CACNA2D4: variants seen among roughly 807,000 people sequenced by gnomAD.
CACNA2D4 encodes voltage-dependent calcium channel subunit alpha-2/delta-4.
Under a neutral mutation model 163.8 loss-of-function variants are expected in CACNA2D4, and 157 were observed. The observed-to-expected ratio is 0.96, with a 90% CI of 0.84 to 1.09. CACNA2D4 has a LOEUF of 1.09. Among genes scored for constraint, CACNA2D4 ranks in the 50% least tolerant of loss-of-function variants. The probability of loss-of-function intolerance (pLI) is 0.00; values close to 1 mark genes in which losing one functional copy is unlikely to be tolerated. For missense variants in CACNA2D4, 1,410 were observed against 1,479.9 expected, an observed-to-expected ratio of 0.95 and a Z score of 0.78; for synonymous variants, 598 against 586.9, an observed-to-expected ratio of 1.02 and a Z score of -0.27.
rs1555185537 is a variant in CACNA2D4 at position 1,885,055 on chromosome 12, C to A, written c.1090G>T (p.Glu364Ter). The stretch of plus-strand genomic sequence containing the variant: ...ACCCCCACACCTTTGACCATCAACT[C>A]CTCCACCAGCAGTTTGAAATGCTGC... The part of the protein sequence containing the change: ...NREHFKLLVE[E>*]LMVKGVGVVD... The change falls in exon 10 of 38, where the codon GAG becomes TAG. Residue 364 changes from glutamate (E) to a stop codon, truncating the protein, a stop_gained. Coordinates refer to ENST00000382722, the MANE Select transcript of CACNA2D4 (RefSeq NM_172364.5). LOFTEE classifies it high-confidence loss of function. 1.9e-6 allele frequency: 3 copies of A among 1,613,868 alleles called. No homozygotes were observed. The Admixed American group carries it at 5.0e-5, about 27-fold the overall frequency.
chr12:1,850,659 C>A (rs928872805), intron 23 of CACNA2D4, among the ~76,000 whole-genome samples: 4 of 151,990 alleles, frequency 2.6e-5, no homozygotes, highest in African/African-American at 9.7e-5. Flanking sequence ...AATCCCAGCA[C>A]TTTGGGAGGC....
intron 8 of CACNA2D4, 90 bp downstream of exon 8, chr12:1,886,133 C>A (rs1322207090): frequency 6.5e-7 from 1 of 1,542,852 alleles, no homozygotes. Context: ...TGCAGGTCAC[C>A]GGGTGGTCAG....
At chr12:1,913,001 G>A in intron 3 of CACNA2D4, 22 bp downstream of exon 3, 1 of 1,504,830 alleles carries the variant, frequency 6.6e-7, no homozygotes, top group Non-Finnish European at 9.3e-7. Flanking sequence ...GAAACGCCCT[G>A]CAGATCACAG....
At chr12:1,827,908 GC>G in intron 26 of CACNA2D4, 1 of 409,356 alleles carries the variant, frequency 2.4e-6, no homozygotes. Flanking sequence ...CATCCCAGGG[GC>G]TTGAAGGCTT....
chr12:1,871,974 T>C (rs1026665515), intron 18 of CACNA2D4, among the ~76,000 whole-genome samples: 1 of 152,224 alleles, frequency 6.6e-6, no homozygotes, highest in South Asian at 2.1e-4. Context: ...CTTTTAAACT[T>C]GTGTCTGAGG....
Position 1,875,343 on chromosome 12 carries a change from G to C in CACNA2D4, c.1720-6C>G. 6.2e-7 allele frequency: 1 copy of C among 1,600,426 alleles called. No homozygotes were observed. Among genetic ancestry groups the C allele is most frequent in the Non-Finnish European group, 8.6e-7 (1 of 1,167,630 alleles). ...AGTTTCTTCCCCTCTCTGTACTGGA[G>C]TGGGCAGGTCAGGAAGAAAAACATG... On this transcript the variant is annotated splice_polypyrimidine_tract_variant and splice_region_variant and intron_variant, in intron 16 of 37. Transcript: ENST00000382722. This position sits in a 1 kb window ranked among gnomAD's most constrained non-coding sequence, Gnocchi z 4.0.
chr12:1,817,551 C>G (rs1863917692), intron 26 of CACNA2D4, among the ~76,000 whole-genome samples: 1 of 152,204 alleles, frequency 6.6e-6, no homozygotes, highest in Non-Finnish European at 1.5e-5. Context: ...CTGGACTGTA[C>G]TGCTGCCATC....
chr12:1,826,912 C>T (rs970939068), intron 26 of CACNA2D4, among the ~76,000 whole-genome samples: 1 of 152,232 alleles, frequency 6.6e-6, no homozygotes, highest in Non-Finnish European at 1.5e-5. Context: ...CTCCATCCAC[C>T]TCTGGGCCTG....
chr12:1,840,829 C>A lies in CACNA2D4; in HGVS notation c.2471-10G>T. On this transcript the variant is annotated splice_polypyrimidine_tract_variant and intron_variant, in intron 25 of 37. Transcript: ENST00000382722. Reference sequence around the variant, plus strand: ...GGTTCACCCGCACTTTCTGGGGAAACAGAGACAACCCAGTCATGGGGAAGA... The same window carrying A: ...GGTTCACCCGCACTTTCTGGGGAAAAAGAGACAACCCAGTCATGGGGAAGA... 1 of 1,556,912 alleles carries A rather than the reference C, an allele frequency of 6.4e-7. No individual in the cohort carries two copies.
chr12:1,870,995 G>A (rs1279833003), intron 18 of CACNA2D4, among the ~76,000 whole-genome samples: 1 of 152,238 alleles, frequency 6.6e-6, no homozygotes. Flanking sequence ...GGGCACTGGA[G>A]GAACACGAGG....
chr12:1,846,350 G>A (rs1025334502), intron 24 of CACNA2D4, among the ~76,000 whole-genome samples: 2 of 150,928 alleles, frequency 1.3e-5, no homozygotes, highest in Non-Finnish European at 1.5e-5. Flanking sequence ...GTAAGCCTTC[G>A]GGGAAGGGTT....
chr12:1,830,420 G>GA (rs2154447068), intron 26 of CACNA2D4, among the ~76,000 whole-genome samples: 1 of 152,342 alleles, frequency 6.6e-6, no homozygotes, highest in East Asian at 1.9e-4. Flanking sequence ...CAGAGTTGGG[G>GA]TGGGCCACAG....
At chr12:1,902,587 A>C (rs1423602643) in intron 6 of CACNA2D4, among the ~76,000 whole-genome samples, 2 of 152,070 alleles carry the variant, frequency 1.3e-5, no homozygotes, top group Non-Finnish European at 1.5e-5. Context: ...AATCTGAAAA[A>C]GAAATCAAGA....
chr12:1,915,443 C>T (rs905157371), intron 1 of CACNA2D4, among the ~76,000 whole-genome samples: 7 of 152,262 alleles, frequency 4.6e-5, no homozygotes, highest in Admixed American at 2.6e-4. Context: ...AGGCCAGGGC[C>T]GGAGGACCCT....
At chr12:1,825,979 C>T (rs1054967385) in intron 26 of CACNA2D4, among the ~76,000 whole-genome samples, 2 of 152,174 alleles carry the variant, frequency 1.3e-5, no homozygotes, top group East Asian at 1.9e-4. Context: ...GGACAGAGAG[C>T]GTGCACGCTG....
chr12:1,866,491 A>G (rs1489799532), intron 18 of CACNA2D4, among the ~76,000 whole-genome samples: 1 of 152,216 alleles, frequency 6.6e-6, no homozygotes, highest in Non-Finnish European at 1.5e-5. Flanking sequence ...CATTTCCAGT[A>G]TGGTTGATTC....
At chr12:1,871,458 G>A (rs549494919) in intron 18 of CACNA2D4, among the ~76,000 whole-genome samples, 2 of 151,782 alleles carry the variant, frequency 1.3e-5, no homozygotes, top group East Asian at 3.9e-4. Context: ...GCTGGTGTGT[G>A]TGTACACGTG....
chr12:1,883,913 G>C lies in CACNA2D4; in HGVS notation c.1351+330C>G. 3.1e-6 allele frequency: 1 copy of C among 318,740 alleles called. No homozygotes were observed. 19.7% of individuals were successfully genotyped at this position (318,740 alleles called of 1,614,324 possible). A position where few individuals can be genotyped will look rare whatever the true frequency, so the allele number is the denominator to read the frequency against. On this transcript the variant is annotated intron_variant, in intron 12 of 37. Coordinates refer to ENST00000382722, the MANE Select transcript of CACNA2D4 (RefSeq NM_172364.5). The surrounding 1 kb of genome is among the most constrained non-coding windows in gnomAD (Gnocchi z 4.5). ...CAGTGAATTTTTGTTGAATCAATGG[G>C]GTCTGGTCAGAGATAGATGAGGACC...
rs746885379 is a variant in CACNA2D4 at position 1,831,069 on chromosome 12, G to C, written c.2551+9670C>G. The C allele has an allele frequency of 1.3e-5, 21 of 1,613,856 alleles. No individual in the cohort carries two copies. The highest frequency in any genetic ancestry group is 1.6e-4 in the Middle Eastern group (1 of 6,084). ...CACCACGGTGCCCCCAGACGTGCCCGCAGCCACCCGAACCCTCTTGCTCTT... is the reference window on the plus strand; with the variant it reads ...CACCACGGTGCCCCCAGACGTGCCCCCAGCCACCCGAACCCTCTTGCTCTT... On this transcript the variant is annotated intron_variant, in intron 26 of 37. Coordinates refer to ENST00000382722, the MANE Select transcript of CACNA2D4 (RefSeq NM_172364.5).
Sources: gnomAD v4.1 joint callset for allele counts (sites outside exome capture counted in the v4.1 genomes callset) on GRCh38, gnomAD v4.1.1 for gene constraint, Gnocchi (gnomAD v3.1) non-coding constraint, MANE v1.5 for transcripts, NCBI Gene and HGNC (gene_info 2026-07-23, HGNC 2026-07-21) for gene names.